Variants in M6PR observed in about 807,000 individuals in gnomAD.
M6PR encodes cation-dependent mannose-6-phosphate receptor.
Under a neutral mutation model 33.1 loss-of-function variants are expected in M6PR, and 19 were observed. The ratio of observed to expected loss-of-function variants is 0.57; its 90% CI spans 0.40 to 0.84. The LOEUF (loss-of-function observed/expected upper bound fraction) is 0.84. Ranked by LOEUF, M6PR falls within the 40% of genes least tolerant of loss-of-function variation. The pLI is 0.00. For synonymous variants in M6PR, 111 were observed against 123.4 expected (o/e 0.90, Z 0.67); for missense variants, 295 against 336.0 (o/e 0.88, Z 0.95).
At chr12:8,948,856 A>T (rs934956695) in intron 1 of M6PR, among the ~76,000 whole-genome samples, 3 of 152,208 alleles carry the variant, frequency 2.0e-5, no homozygotes, top group African/African-American at 7.2e-5. Flanking sequence ...CTGATGTAGC[A>T]GTCCTTATCC....
intron 5 of M6PR, 133 bp downstream of exon 5, chr12:8,943,272 G>T: frequency 9.2e-7 from 1 of 1,085,560 alleles, no homozygotes; most frequent in Non-Finnish European, 1.3e-6. Context: ...ATAGCCAGAG[G>T]ATTTAAAAAG....
chr12:8,941,659 C>T lies in M6PR; in HGVS notation c.*159G>A. The stretch of plus-strand genomic sequence containing the variant: ...CAGAAAATAAGGAACAAAGGGAAGG[C>T]AGTTTTACTAGTGAGAAGATGCAAA... On this transcript the variant is annotated 3_prime_UTR_variant, in exon 7 of 7. Coordinates refer to ENST00000000412, the MANE Select transcript of M6PR (RefSeq NM_002355.4). The T allele has an allele frequency of 1.2e-6, 1 of 802,082 alleles. No individual in the cohort carries two copies. The highest frequency in any genetic ancestry group is 2.0e-6 in the Non-Finnish European group (1 of 499,134). 49.7% of individuals were successfully genotyped at this position (802,082 alleles called of 1,614,324 possible).
In M6PR at chr12:8,943,335, C is replaced by T. The variant is rs982420374; in HGVS notation, c.584+70G>A. 7.0e-6 allele frequency: 11 copies of T among 1,565,066 alleles called. No individual in the cohort carries two copies. In the African/African-American group the frequency reaches 1.4e-4, roughly 19 times the overall value. On this transcript the variant is annotated intron_variant, in intron 5 of 6. Coordinates refer to ENST00000000412, the MANE Select transcript of M6PR (RefSeq NM_002355.4). ...ACACATACAATTTGTGCTTATGTACCACCATATAGTTACTGACCTTAAAAA... is the reference window on the plus strand; with the variant it reads ...ACACATACAATTTGTGCTTATGTACTACCATATAGTTACTGACCTTAAAAA...
chr12:8,942,042 A>G (rs1380692150), intron 6 of M6PR, 102 bp from the exon 7 acceptor site: 9 of 1,309,860 alleles, frequency 6.9e-6, no homozygotes, highest in South Asian at 2.6e-5. Context: ...TTGGTTTTCT[A>G]TAGGGATAAT....
chr12:8,943,562 C>G (rs145780098), intron 4 of M6PR, 27 bp from the exon 5 acceptor site: 16 of 1,613,940 alleles, frequency 9.9e-6, no homozygotes, highest in African/African-American at 1.3e-5. Context: ...ATAACACATT[C>G]AGGTGGTTAA....
chr12:8,942,223 C>T, intron 6 of M6PR, 193 bp downstream of exon 6: 1 of 739,198 alleles, frequency 1.4e-6, no homozygotes, highest in Middle Eastern at 3.9e-4. Flanking sequence ...CAATGTCTTA[C>T]CAAGGCCAGA....
At chr12:8,944,619 CATAGGTGCTTACATGGT>C in intron 3 of M6PR, among the ~76,000 whole-genome samples, 1 of 152,150 alleles carries the variant, frequency 6.6e-6, no homozygotes, top group East Asian at 1.9e-4. Context: ...GGAATTGGAC[CATAGGTGCTTACATGGT>C]CCTCTCCAGC....
At position 8,946,341 on chromosome 12, in the gene M6PR, T is replaced by C; in HGVS notation, c.64A>G (p.Arg22Gly). The change falls in exon 2 of 7, where the codon AGA (arginine) becomes GGA (glycine). Residue 22 changes from arginine to glycine, a missense_variant. Coordinates refer to ENST00000000412, the MANE Select transcript of M6PR (RefSeq NM_002355.4). ...TTTTCTTCTGTCTGCCAGGATTCTC[T>C]CACTGCCACAGCCAGGAGTAGTAGT... ...LLLLLLAVAVRESWQTEEKTC... is the reference protein window; with the variant it reads ...LLLLLLAVAVGESWQTEEKTC... The C allele has an allele frequency of 6.2e-7, 1 of 1,614,160 alleles. No homozygotes were observed. Among genetic ancestry groups the C allele is most frequent in the Non-Finnish European group, 8.5e-7 (1 of 1,180,014 alleles).
At position 8,941,775 on chromosome 12, in the gene M6PR, G is replaced by A; in HGVS notation, c.*43C>T. On this transcript the variant is annotated 3_prime_UTR_variant, in exon 7 of 7. Transcript: ENST00000000412. ...TTGAGAAATCTGGCTGTGTAGCTTT[G>A]GTTTGGGGGACTGAGGAAGAGGCTG... 6.2e-7 allele frequency: 1 copy of A among 1,610,640 alleles called. No individual in the cohort carries two copies. Among genetic ancestry groups the A allele is most frequent in the Admixed American group, 1.7e-5 (1 of 59,976 alleles).
At position 8,941,856 on chromosome 12, in the gene M6PR, C is replaced by T. The variant is rs780614862; in HGVS notation, c.796G>A (p.Glu266Lys). The change falls in exon 7 of 7, where the codon GAG becomes AAG. Residue 266 changes from glutamate (E) to lysine (K), a missense_variant. Glu to Lys is a moderately conservative substitution (Grantham distance 56). Transcript: ENST00000000412. ...AAATGGTCATCCCTTTCTTCTGACT[C>T]CTCCCCCAGCTGGTCATCCCCCACA... is the stretch of plus-strand genomic sequence containing the variant. The part of the protein sequence containing the change: ...RGVGDDQLGE[E>K]SEERDDHLLP... 3 of 1,614,124 alleles carry T rather than the reference C, an allele frequency of 1.9e-6. No homozygotes were observed. Among genetic ancestry groups the T allele is most frequent in the Non-Finnish European group, 2.5e-6 (3 of 1,180,000 alleles).
At chr12:8,945,687 C>T (rs991318387) in intron 2 of M6PR, 103 bp from the exon 3 acceptor site, 9 of 892,298 alleles carry the variant, frequency 1.0e-5, no homozygotes, top group African/African-American at 5.1e-5. Context: ...ACAACATGCT[C>T]GATTTATTTA....
At chr12:8,943,150 T>G (rs1456155834) in intron 5 of M6PR, 1 of 394,450 alleles carries the variant, frequency 2.5e-6, no homozygotes, top group Non-Finnish European at 4.7e-6. Context: ...CGGAGTTTCA[T>G]CATGTTGGTC....
rs73055737 is a variant in M6PR at position 8,943,605 on chromosome 12, C to T, written c.454-70G>A. 8.6e-4 allele frequency: 1,372 copies of T among 1,586,726 alleles called. 3 individuals are homozygous for T. Among genetic ancestry groups the T allele is most frequent in the Middle Eastern group, 3.0e-3 (18 of 5,934 alleles). ...GACTCCTGTCCAACAAAATAAAAAACCCAAAAAACATCTGCTCCTTCCTGG... is the reference window on the plus strand; with the variant it reads ...GACTCCTGTCCAACAAAATAAAAAATCCAAAAAACATCTGCTCCTTCCTGG... On this transcript the variant is annotated intron_variant, in intron 4 of 6. Transcript: ENST00000000412.
Position 8,946,232 on chromosome 12 carries a change from T to G in M6PR, c.173A>C (p.Lys58Thr). 6.2e-7 allele frequency: 1 copy of G among 1,613,344 alleles called. No homozygotes were observed. Among genetic ancestry groups the G allele is most frequent in the Non-Finnish European group, 8.5e-7 (1 of 1,179,574 alleles). Reference sequence around the variant, plus strand: ...CTTTAAGGTTCTTCTCATTTACCTTTTATTAAACAGTGGTTTCAGCCTCTT... The same window carrying G: ...CTTTAAGGTTCTTCTCATTTACCTTGTATTAAACAGTGGTTTCAGCCTCTT... ...LVKRLKPLFNKSFESTVGQGS... is the reference protein window; with the variant it reads ...LVKRLKPLFNTSFESTVGQGS... The change falls in exon 2 of 7, where the codon AAA becomes ACA. Residue 58 changes from lysine to threonine, a missense_variant. Physicochemically the swap from Lys to Thr is moderately conservative, Grantham distance 78. Transcript: ENST00000000412.
Position 8,943,457 on chromosome 12 carries a change from C to A in M6PR, c.532G>T (p.Ala178Ser). ...FYLFEMDSSLACSPEISHLSV... is the reference protein window; with the variant it reads ...FYLFEMDSSLSCSPEISHLSV... ...AGGTGGGAGATCTCTGGTGAACAGG[C>A]CAGGCTGCTATCCATCTCAAAGAGG... The change falls in exon 5 of 7, where the codon GCC becomes TCC. Residue 178 changes from alanine to serine, a missense_variant. Ala to Ser is a moderately conservative substitution (Grantham distance 99). Coordinates refer to ENST00000000412, the MANE Select transcript of M6PR (RefSeq NM_002355.4). 1.2e-6 allele frequency: 2 copies of A among 1,614,106 alleles called. No individual in the cohort carries two copies. Among genetic ancestry groups the A allele is most frequent in the Non-Finnish European group, 1.7e-6 (2 of 1,180,022 alleles).
chr12:8,942,659 A>C, intron 5 of M6PR, 117 bp from the exon 6 acceptor site: 1 of 1,121,892 alleles, frequency 8.9e-7, no homozygotes, highest in Non-Finnish European at 1.3e-6. Flanking sequence ...GAAAAGGAAA[A>C]ATGAGTAGTG....
rs150843100 is a variant in M6PR at position 8,945,525 on chromosome 12, C to T, written c.236G>A (p.Arg79Gln). Residue 79 changes from arginine (R) to glutamine (Q), a missense_variant, in exon 3 of 7, where the codon CGG becomes CAG. Arg to Gln is a conservative substitution (Grantham distance 43). Transcript: ENST00000000412. Reference protein sequence around the residue: ...DTYIYIFRVCREAGNHTSGAG... With the variant: ...DTYIYIFRVCQEAGNHTSGAG... ...CCCAGAAGTGTGGTTGCCAGCTTCC[C>T]GGCACACCCTGAAGATGTAGATGTA... 2.2e-5 allele frequency: 36 copies of T among 1,614,074 alleles called. No homozygotes were observed. Among genetic ancestry groups the T allele is most frequent in the African/African-American group, 2.0e-4 (15 of 75,020 alleles).
intron 6 of M6PR, 91 bp downstream of exon 6, chr12:8,942,325 C>CA: frequency 6.3e-7 from 1 of 1,578,836 alleles, no homozygotes; most frequent in Non-Finnish European, 8.7e-7. Flanking sequence ...TCCTGTGTCC[C>CA]AGGAACCCCC....
chr12:8,947,315 T>C (rs2080193389), intron 1 of M6PR, among the ~76,000 whole-genome samples: 2 of 152,176 alleles, frequency 1.3e-5, no homozygotes, highest in African/African-American at 2.4e-5. Context: ...ACTAATGAGT[T>C]TGAAGATGGG....
Sources: gnomAD v4.1 joint callset for allele counts (sites outside exome capture counted in the v4.1 genomes callset) on GRCh38, gnomAD v4.1.1 for gene constraint, MANE v1.5 for transcripts, NCBI Gene and HGNC (gene_info 2026-07-23, HGNC 2026-07-21) for gene names.